Variants in ATF6 observed in about 807,000 individuals in gnomAD.
The protein encoded by ATF6 is cyclic AMP-dependent transcription factor ATF-6 alpha.
In ATF6, 53 loss-of-function variants were observed where a neutral mutation model predicts 83.6. The ratio of observed to expected loss-of-function variants is 0.63; its 90% CI spans 0.51 to 0.80. The LOEUF is 0.80. ATF6 is among the 30% of genes least tolerant of loss of function. The pLI, the probability that ATF6 is intolerant of heterozygous loss-of-function variation, is 0.00. For missense variants in ATF6, 744 were observed against 797.9 expected (o/e 0.93, Z 0.81); for synonymous variants, 288 against 285.8 (o/e 1.01, Z -0.08).
chr1:161,875,992 A>G (rs1008316697), intron 14 of ATF6, among the ~76,000 whole-genome samples: 1 of 151,988 alleles, frequency 6.6e-6, no homozygotes, highest in Non-Finnish European at 1.5e-5. Flanking sequence ...GATGAACTAT[A>G]TAATACAGTT....
chr1:161,916,483 GA>G (rs1405276792), intron 15 of ATF6, among the ~76,000 whole-genome samples: 1 of 152,046 alleles, frequency 6.6e-6, no homozygotes, highest in African/African-American at 2.4e-5. Flanking sequence ...ATCTGCTATA[GA>G]AAGGACTTTC....
chr1:161,895,496 CCT>C (rs1214231857), intron 14 of ATF6, among the ~76,000 whole-genome samples: 5 of 152,098 alleles, frequency 3.3e-5, no homozygotes, highest in African/African-American at 1.2e-4. Context: ...ATAGATATCC[CCT>C]GATTCAGATA....
chr1:161,833,906 C>T (rs576804564), intron 9 of ATF6, among the ~76,000 whole-genome samples: 59 of 152,160 alleles, frequency 3.9e-4, no homozygotes, highest in African/African-American at 1.3e-3. Flanking sequence ...ATACAGAGAA[C>T]GCCACAAAGA....
chr1:161,769,620 T>G (rs1684339239), intron 1 of ATF6, among the ~76,000 whole-genome samples: 1 of 152,148 alleles, frequency 6.6e-6, no homozygotes. Context: ...TAATATATAA[T>G]GAAATAATTA....
intron 15 of ATF6, among the ~76,000 whole-genome samples, chr1:161,931,680 T>C (rs1409622505): frequency 1.3e-5 from 2 of 152,214 alleles, no homozygotes; most frequent in Non-Finnish European, 2.9e-5. Flanking sequence ...TATATCTTCT[T>C]TGGAGAACTG....
At chr1:161,920,684 T>C (rs1042441356) in intron 15 of ATF6, among the ~76,000 whole-genome samples, 33 of 152,012 alleles carry the variant, frequency 2.2e-4, no homozygotes, top group South Asian at 8.3e-4. Flanking sequence ...AGTCAACGGC[T>C]TAAGAGTGGC....
chr1:161,840,095 T>C (rs1035976147), intron 9 of ATF6: 2 of 152,230 alleles, frequency 1.3e-5, no homozygotes, highest in African/African-American at 4.8e-5. Flanking sequence ...AGTGTCCTGC[T>C]CTGTGTCATC....
chr1:161,853,079 T>A, intron 11 of ATF6, 145 bp from the exon 12 acceptor site: 1 of 578,534 alleles, frequency 1.7e-6, no homozygotes, highest in Admixed American at 3.2e-5. Flanking sequence ...CTTTTTCAAA[T>A]CAAAAAGCAA....
intron 7 of ATF6, among the ~76,000 whole-genome samples, chr1:161,818,173 C>T (rs1207141861): frequency 1.3e-5 from 2 of 150,610 alleles, no homozygotes; most frequent in African/African-American, 4.9e-5. Context: ...AGTTATTGAA[C>T]ACTCTAGAGT....
chr1:161,834,116 A>G (rs1430768635), intron 9 of ATF6, among the ~76,000 whole-genome samples: 1 of 152,206 alleles, frequency 6.6e-6, no homozygotes, highest in Non-Finnish European at 1.5e-5. Context: ...ATTCCTAAAG[A>G]AAAGAATTTT....
At chr1:161,791,336 GTCTCCTCCTTTTC>G (rs1425661764) in intron 4 of ATF6, 59 bp from the exon 5 acceptor site, 1 of 1,350,990 alleles carries the variant, frequency 7.4e-7, no homozygotes, top group Non-Finnish European at 1.0e-6. Flanking sequence ...TTATATGTGG[GTCTCCTCCTTTTC>G]TATGCAATTT....
intron 4 of ATF6, among the ~76,000 whole-genome samples, chr1:161,784,474 T>C (rs1237163279): frequency 6.6e-6 from 1 of 152,188 alleles, no homozygotes; most frequent in Non-Finnish European, 1.5e-5. Context: ...TATATCTCTT[T>C]AGTCACAGCA....
intron 15 of ATF6, among the ~76,000 whole-genome samples, chr1:161,943,492 A>C (rs1688692427): frequency 6.6e-6 from 1 of 152,154 alleles, no homozygotes; most frequent in Non-Finnish European, 1.5e-5. Context: ...GGACTAATAC[A>C]ACCTGTAAGG....
At chr1:161,829,232 C>G (rs1405071221) in intron 9 of ATF6, among the ~76,000 whole-genome samples, 2 of 116,914 alleles carry the variant, frequency 1.7e-5, no homozygotes, top group Non-Finnish European at 3.3e-5. Context: ...CGGAGTCTAG[C>G]TTTGTTGCCC....
At position 161,899,472 on chromosome 1, in the gene ATF6, C is replaced by T. The variant is rs1199808678; in HGVS notation, c.1720-12824C>T. ...TTTCAAAACCGATTCTCTGTGGTCA[C>T]GAACATAATGTTTTTATTTACCCTT... On this transcript the variant is annotated intron_variant, in intron 14 of 15. Coordinates refer to ENST00000367942, the MANE Select transcript of ATF6 (RefSeq NM_007348.4). Among the ~76,000 whole-genome samples the T allele has an allele frequency of 4.0e-5, 6 of 151,872 alleles. No individual in the cohort carries two copies. The East Asian group carries it at 7.7e-4, about 20-fold the overall frequency.
At chr1:161,832,696 C>T (rs1249088328) in intron 9 of ATF6, among the ~76,000 whole-genome samples, 3 of 152,206 alleles carry the variant, frequency 2.0e-5, no homozygotes, top group Non-Finnish European at 4.4e-5. Flanking sequence ...AAGGCGGCAG[C>T]GAGGCTGGGG....
intron 15 of ATF6, among the ~76,000 whole-genome samples, chr1:161,946,455 T>C (rs1253442293): frequency 2.0e-5 from 3 of 152,234 alleles, no homozygotes; most frequent in African/African-American, 4.8e-5. Context: ...AATTGTTCCA[T>C]AAAAGAGCAT....
At chr1:161,951,812 T>A (rs1688869859) in intron 15 of ATF6, among the ~76,000 whole-genome samples, 1 of 152,206 alleles carries the variant, frequency 6.6e-6, no homozygotes, top group South Asian at 2.1e-4. Context: ...TCATCTTCTG[T>A]AATTCCTCCC....
chr1:161,867,893 T>TATTTCA (rs1366339727), intron 14 of ATF6, among the ~76,000 whole-genome samples: 2 of 152,240 alleles, frequency 1.3e-5, no homozygotes, highest in Non-Finnish European at 2.9e-5. Flanking sequence ...AATAGTACCA[T>TATTTCA]ATTTGGGTAT....
Sources: gnomAD v4.1 joint callset for allele counts (sites outside exome capture counted in the v4.1 genomes callset) on GRCh38, gnomAD v4.1.1 for gene constraint, MANE v1.5 for transcripts, NCBI Gene and HGNC (gene_info 2026-07-23, HGNC 2026-07-21) for gene names.